Variants in GET1 observed in about 807,000 individuals in gnomAD.
GET1 encodes guided entry of tail-anchored proteins factor 1, also known as congenital heart disease 5 protein.
Under a neutral mutation model 22.6 loss-of-function variants are expected in GET1, and 20 were observed. That is an observed-to-expected ratio of 0.89 (90% CI 0.62 to 1.29). The LOEUF is 1.29. Among genes scored for constraint, GET1 ranks in the 50% most tolerant of loss-of-function variants. The pLI, the probability that GET1 is intolerant of heterozygous loss-of-function variation, is 0.00. For missense variants in GET1, 209 were observed against 219.9 expected (o/e 0.95, Z 0.31); for synonymous variants, 92 against 83.8 (o/e 1.10, Z -0.53).
At chr21:39,428,341 A>G (rs2147923473) in exon 2 of GET1, 3 of 1,613,722 alleles carry the variant, frequency 1.9e-6, no homozygotes, top group East Asian at 4.5e-5. Context: ...GAGATCTGCT[A>G]TAATCAACAC....
downstream of GET1, chr21:39,406,838 C>A: frequency 9.2e-6 from 4 of 436,300 alleles, no homozygotes; most frequent in South Asian, 5.0e-5. Context: ...AATTATGAAA[C>A]CAAAAGAAAA....
At chr21:39,392,257 C>T (rs181140268) in intron 3 of GET1, among the ~76,000 whole-genome samples, 269 of 152,266 alleles carry the variant, frequency 1.8e-3, no homozygotes, top group Admixed American at 2.4e-3. Flanking sequence ...CCAGCTTTTC[C>T]GACTGGAATT....
intron 1 of GET1, among the ~76,000 whole-genome samples, chr21:39,415,025 T>C (rs983507239): frequency 9.9e-5 from 15 of 152,006 alleles, no homozygotes; most frequent in Non-Finnish European, 2.1e-4. Flanking sequence ...CCTCAGCCTC[T>C]GGAGTAGCTG....
intron 1 of GET1, among the ~76,000 whole-genome samples, chr21:39,417,499 T>C (rs2041425150): frequency 6.6e-6 from 1 of 152,234 alleles, no homozygotes; most frequent in Admixed American, 6.5e-5. Flanking sequence ...TTTTTAAATG[T>C]AGGCAAATAG....
chr21:39,414,864 T>C (rs550479942), intron 1 of GET1, among the ~76,000 whole-genome samples: 1 of 152,146 alleles, frequency 6.6e-6, no homozygotes, highest in African/African-American at 2.4e-5. Flanking sequence ...TTCCAGAAAT[T>C]CTTTGTTAGA....
chr21:39,386,008 A>C (rs535560902), intron 1 of GET1: 1 of 152,158 alleles, frequency 6.6e-6, no homozygotes, highest in African/African-American at 2.4e-5. Flanking sequence ...TGGCCACACG[A>C]GCCACATGCA....
intron 1 of GET1, among the ~76,000 whole-genome samples, chr21:39,417,786 G>C (rs1023700497): frequency 2.6e-5 from 4 of 151,732 alleles, no homozygotes; most frequent in Non-Finnish European, 2.9e-5. Flanking sequence ...TTTTTTTTGA[G>C]ATGGAGTCTC....
At chr21:39,426,617 T>G (rs1020489642) in intron 1 of GET1, among the ~76,000 whole-genome samples, 13 of 152,238 alleles carry the variant, frequency 8.5e-5, no homozygotes, top group African/African-American at 3.1e-4. Context: ...CTATTCACAC[T>G]AAGTGAAATA....
intron 1 of GET1, among the ~76,000 whole-genome samples, chr21:39,388,481 C>T (rs1195583834): frequency 6.6e-6 from 1 of 152,232 alleles, no homozygotes; most frequent in Non-Finnish European, 1.5e-5. Flanking sequence ...GTTTCCCAGT[C>T]TTCCCTTGAC....
intron 1 of GET1, among the ~76,000 whole-genome samples, chr21:39,389,837 C>A (rs77155511): frequency 6.6e-6 from 1 of 152,300 alleles, no homozygotes; most frequent in South Asian, 2.1e-4. Flanking sequence ...TGCTCTGCCC[C>A]GTCTAATCTA....
intron 1 of GET1, among the ~76,000 whole-genome samples, chr21:39,384,519 C>G: frequency 6.6e-6 from 1 of 151,924 alleles, no homozygotes; most frequent in East Asian, 1.9e-4. Flanking sequence ...CTCAGCCTCC[C>G]AAAGTGCGGA....
chr21:39,422,390 T>C (rs1439745015), intron 1 of GET1: 1 of 152,436 alleles, frequency 6.6e-6, no homozygotes, highest in African/African-American at 2.4e-5. Flanking sequence ...CCAAGTGCTG[T>C]TGAGGAAAAT....
chr21:39,399,787 G>A (rs551423329), downstream of GET1, among the ~76,000 whole-genome samples: 13 of 152,128 alleles, frequency 8.5e-5, no homozygotes, highest in South Asian at 4.2e-4. Flanking sequence ...ATAGCTTCAC[G>A]TGAAAGCAGG....
rs766372446 is a variant in GET1, at chr21:39,393,192, G to A, written c.363G>A (p.Trp121Ter). ...CTGCCCTGATGATCTCACTCATTTGGAAGTATTATTCTGTCCCTGTGGCTG... is the reference window on the plus strand; with the variant it reads ...CTGCCCTGATGATCTCACTCATTTGAAAGTATTATTCTGTCCCTGTGGCTG... ...LQAALMISLI[W>*]KYYSVPVAVV... is the part of the protein sequence containing the mutation. The change falls in exon 4 of 5, where the codon TGG becomes TGA. Residue 121 changes from tryptophan (W) to a stop codon, truncating the protein, a stop_gained. Transcript: ENST00000649170. LOFTEE classifies it high-confidence loss of function. 18 of 1,614,180 alleles carry A rather than the reference G, an allele frequency of 1.1e-5. No homozygotes were observed. The highest frequency in any genetic ancestry group is 1.6e-4 in the Middle Eastern group (1 of 6,062).
At chr21:39,410,973 T>C, downstream of GET1, 1 of 469,010 alleles carries the variant, frequency 2.1e-6, no homozygotes, top group South Asian at 1.6e-5. Flanking sequence ...GTCGAATCTG[T>C]TGCTGGGAGA....
intron 1 of GET1, among the ~76,000 whole-genome samples, chr21:39,390,152 T>A (rs933989588): frequency 6.7e-6 from 1 of 148,806 alleles, no homozygotes; most frequent in Non-Finnish European, 1.5e-5. Context: ...GGGAGTAGGA[T>A]GTTGGAGGAA....
Position 39,423,268 on chromosome 21 carries a change from T to C in GET1, c.*24-4964T>C, listed in dbSNP as rs752466071. 17 of 1,609,756 alleles carry C rather than the reference T, an allele frequency of 1.1e-5. No homozygotes were observed. The highest frequency in any genetic ancestry group is 5.1e-5 in the Admixed American group (3 of 59,262). On this transcript the variant is annotated intron_variant, in intron 1 of 1. Transcript: ENST00000478273. ...CTCATATTTTCCTATAGCTTTCAAA[T>C]GCCTAAGCTGAAGTTGTTTCAAAAA... is the stretch of plus-strand genomic sequence containing the variant.
At chr21:39,394,137 C>T (rs1365823835) in intron 4 of GET1, among the ~76,000 whole-genome samples, 2 of 151,950 alleles carry the variant, frequency 1.3e-5, no homozygotes, top group Non-Finnish European at 2.9e-5. Flanking sequence ...TGAGACCAGC[C>T]TGGCCAACAT....
At chr21:39,410,415 T>C, downstream of GET1, 3 of 966,246 alleles carry the variant, frequency 3.1e-6, no homozygotes, top group Non-Finnish European at 4.8e-6. Context: ...TACATTTGGA[T>C]ACAATATTGA....
Sources: allele counts gnomAD v4.1 joint callset (sites outside exome capture counted in the v4.1 genomes callset), GRCh38; gene constraint gnomAD v4.1.1; transcripts MANE v1.5; gene names NCBI Gene and HGNC (gene_info 2026-07-23, HGNC 2026-07-21).